The following GPHN variants were observed in gnomAD, a reference collection of about 807,000 sequenced individuals.
GPHN encodes the protein gephyrin.
GPHN carries 17 observed loss-of-function variants against 95.5 expected under a neutral mutation model. The ratio of observed to expected loss-of-function variants is 0.18; its 90% CI spans 0.12 to 0.27. The LOEUF is 0.27. GPHN is among the 10% of genes least tolerant of loss of function. The pLI, the probability that GPHN is intolerant of heterozygous loss-of-function variation, is 1.00. For missense variants in GPHN, 660 were observed against 978.1 expected, an observed-to-expected ratio of 0.67 and a Z score of 4.34; for synonymous variants, 320 against 322.5, an observed-to-expected ratio of 0.99 and a Z score of 0.08.
chr14:67,142,500 G>GTTGCAC (rs1277747038), intron 17 of GPHN, among the ~76,000 whole-genome samples: 1 of 152,128 alleles, frequency 6.6e-6, no homozygotes, highest in Non-Finnish European at 1.5e-5. Context: ...CAAAGAGCCT[G>GTTGCAC]TTGCACTTGC....
intron 2 of GPHN, among the ~76,000 whole-genome samples, chr14:66,696,431 T>A (rs2068100815): frequency 6.6e-6 from 1 of 152,198 alleles, no homozygotes. Context: ...TAAGAAATAA[T>A]GTGGTGGTGT....
chr14:67,307,150 T>C, the GPHN span, among the ~76,000 whole-genome samples: 1 of 152,192 alleles, frequency 6.6e-6, no homozygotes, highest in East Asian at 1.9e-4. Flanking sequence ...GGCAAGAGTC[T>C]TGGCACCTCT....
the GPHN span, chr14:67,335,135 A>C: frequency 6.6e-6 from 1 of 152,190 alleles, no homozygotes; most frequent in Non-Finnish European, 1.5e-5. Flanking sequence ...TAAATATTTC[A>C]AGGTCAGTGA....
the GPHN span, among the ~76,000 whole-genome samples, chr14:67,496,928 G>A: frequency 6.6e-6 from 1 of 152,002 alleles, no homozygotes; most frequent in African/African-American, 2.4e-5. Context: ...GTCCTGAGTA[G>A]CTAGGATTAC....
chr14:67,336,615 A>AAAT, the GPHN span: 1 of 421,842 alleles, frequency 2.4e-6, no homozygotes, highest in Non-Finnish European at 4.8e-6. Flanking sequence ...GTAATTCTTA[A>AAAT]AATATAAAGA....
the GPHN span, among the ~76,000 whole-genome samples, chr14:67,318,379 G>C: frequency 6.6e-6 from 1 of 152,074 alleles, no homozygotes; most frequent in Non-Finnish European, 1.5e-5. Context: ...TAACTAAAAA[G>C]ATTTAATGAG....
At chr14:67,393,794 A>T in the GPHN span, among the ~76,000 whole-genome samples, 1 of 152,158 alleles carries the variant, frequency 6.6e-6, no homozygotes, top group Admixed American at 6.5e-5. Flanking sequence ...CGGTGTTCCC[A>T]TAGCACGGCT....
intron 1 of GPHN, among the ~76,000 whole-genome samples, chr14:66,562,145 G>GA (rs1454517885): frequency 1.3e-5 from 2 of 152,048 alleles, no homozygotes; most frequent in East Asian, 1.9e-4. Flanking sequence ...ATGAAGGGAA[G>GA]AAAAAATGTC....
chr14:67,136,770 G>A (rs1012887242), intron 17 of GPHN, among the ~76,000 whole-genome samples: 16 of 152,116 alleles, frequency 1.1e-4, no homozygotes, highest in Non-Finnish European at 7.4e-5. Context: ...TAGCATTAAA[G>A]CAATTGTCTT....
the GPHN span, chr14:67,650,828 C>A: frequency 6.2e-7 from 1 of 1,614,200 alleles, no homozygotes; most frequent in South Asian, 1.1e-5. Context: ...AAGCTTTGGT[C>A]AGACAAGAGA....
the GPHN span, among the ~76,000 whole-genome samples, chr14:67,468,267 C>A: frequency 1.1e-4 from 17 of 152,178 alleles, no homozygotes; most frequent in African/African-American, 3.6e-4. Flanking sequence ...AGCCACCGCA[C>A]CTGGCCAGTG....
At chr14:67,257,428 C>T in the GPHN span, among the ~76,000 whole-genome samples, 1 of 152,038 alleles carries the variant, frequency 6.6e-6, no homozygotes, top group Non-Finnish European at 1.5e-5. Context: ...ACATAGTTCC[C>T]AGCTTGACTT....
the GPHN span, among the ~76,000 whole-genome samples, chr14:67,429,379 C>A: frequency 1.3e-5 from 2 of 151,824 alleles, no homozygotes; most frequent in Admixed American, 6.5e-5. Context: ...TACAGGCACC[C>A]ACCACCACGC....
chr14:67,651,249 C>T, the GPHN span: 6 of 1,521,984 alleles, frequency 3.9e-6, no homozygotes, highest in Non-Finnish European at 5.3e-6. Context: ...TTTCCTCCCT[C>T]CTCCCACAGC....
At chr14:67,110,836 A>C (rs1012641477) in intron 14 of GPHN, among the ~76,000 whole-genome samples, 1 of 152,308 alleles carries the variant, frequency 6.6e-6, no homozygotes, top group Non-Finnish European at 1.5e-5. Flanking sequence ...GACAGCCTGG[A>C]AATATTAAGT....
chr14:67,492,685 T>C, the GPHN span, among the ~76,000 whole-genome samples: 1 of 152,340 alleles, frequency 6.6e-6, no homozygotes, highest in East Asian at 1.9e-4. Flanking sequence ...ACTCCGCTTT[T>C]CACAGCCTGT....
chr14:67,302,238 G>A, the GPHN span: 1 of 1,218,538 alleles, frequency 8.2e-7, no homozygotes, highest in Non-Finnish European at 1.1e-6. Flanking sequence ...AAGTGTGGGG[G>A]AAATGGTCAA....
At chr14:67,183,009 C>T (rs779503602), downstream of GPHN, among the ~76,000 whole-genome samples, 12 of 151,894 alleles carry the variant, frequency 7.9e-5, no homozygotes, top group Non-Finnish European at 1.5e-4. Flanking sequence ...CCATGCCCAG[C>T]TGATGCTATT....
At chr14:67,460,274 AG>A in the GPHN span, among the ~76,000 whole-genome samples, 1 of 152,176 alleles carries the variant, frequency 6.6e-6, no homozygotes, top group Non-Finnish European at 1.5e-5. Flanking sequence ...CAGATGACCC[AG>A]GGATCCTGGT....
Sources: allele counts gnomAD v4.1 joint callset (sites outside exome capture counted in the v4.1 genomes callset), GRCh38; gene constraint gnomAD v4.1.1; transcripts MANE v1.5; gene names NCBI Gene and HGNC (gene_info 2026-07-23, HGNC 2026-07-21).